Variants in NMD3 observed in about 807,000 individuals in gnomAD.
The protein encoded by NMD3 is 60S ribosomal export protein NMD3.
A neutral mutation model predicts 73.1 loss-of-function variants in NMD3; 47 were observed. That is an observed-to-expected ratio of 0.64 (90% CI 0.51 to 0.82). The LOEUF is 0.82. Among genes scored for constraint, NMD3 ranks in the 40% least tolerant of loss-of-function variants. The pLI, the probability that NMD3 is intolerant of heterozygous loss-of-function variation, is 0.00. For synonymous variants in NMD3, 210 were observed against 194.5 expected (o/e 1.08, Z -0.66); for missense variants, 554 against 612.5 (o/e 0.90, Z 1.01).
At chr3:161,243,080 T>C (rs2108095781) in intron 11 of NMD3, among the ~76,000 whole-genome samples, 1 of 152,276 alleles carries the variant, frequency 6.6e-6, no homozygotes, top group South Asian at 2.1e-4. Context: ...CTATAAAACA[T>C]ACAGTCTACA....
At chr3:161,250,129 A>G (rs949472257) in intron 14 of NMD3, 127 bp from the exon 15 acceptor site, 1 of 582,732 alleles carries the variant, frequency 1.7e-6, no homozygotes. Context: ...GAGTTTATAT[A>G]AAATTGTTTC....
intron 5 of NMD3, among the ~76,000 whole-genome samples, chr3:161,233,723 A>G (rs926696072): frequency 1.3e-5 from 2 of 151,974 alleles, no homozygotes; most frequent in East Asian, 3.9e-4. Flanking sequence ...AAGTAAAAAC[A>G]TGGTCTAAGG....
In NMD3 at chr3:161,246,460, T is replaced by A. The variant is rs766125283; in HGVS notation, c.1130+12T>A. The A allele has an allele frequency of 3.2e-5, 40 of 1,262,902 alleles. No homozygotes were observed. In the Middle Eastern group the frequency reaches 4.1e-3, roughly 128 times the overall value. The allele number at this position is 1,262,902 out of a possible 1,614,324, so 78.2% of individuals were successfully genotyped here. On this transcript the variant is annotated intron_variant, in intron 12 of 15. Transcript: ENST00000351193. ...GACCTGGTGTTAGGGTTTGTATTATTTCATATTTTAAACTGCCAATTAGGA... is the reference window on the plus strand; with the variant it reads ...GACCTGGTGTTAGGGTTTGTATTATATCATATTTTAAACTGCCAATTAGGA...
intron 4 of NMD3, 67 bp downstream of exon 4, chr3:161,227,410 T>C: frequency 1.0e-6 from 1 of 966,794 alleles, no homozygotes; most frequent in South Asian, 1.4e-5. Flanking sequence ...TTTCAGAAAA[T>C]TCTTGTGAGT....
chr3:161,244,797 ATTTTTTG>A (rs2108098221), intron 11 of NMD3, among the ~76,000 whole-genome samples: 1 of 151,532 alleles, frequency 6.6e-6, no homozygotes, highest in South Asian at 2.1e-4. Flanking sequence ...CTATTTTTTA[ATTTTTTG>A]TAGAGTCAAT....
In NMD3 at chr3:161,242,603, A is replaced by G. The variant is rs1480609940; in HGVS notation, c.967A>G (p.Ile323Val). 1 of 1,613,670 alleles carries G rather than the reference A, an allele frequency of 6.2e-7. No individual in the cohort carries two copies. Among genetic ancestry groups the G allele is most frequent in the South Asian group, 1.1e-5 (1 of 91,024 alleles). Residue 323 changes from isoleucine to valine, a missense_variant, in exon 11 of 16, where the codon ATA becomes GTA. Transcript: ENST00000351193. The stretch of plus-strand genomic sequence containing the variant: ...GGAGTTTATTGTGATGGAATGCAGC[A>G]TAGTCCAAGATATAAAACGTGCTGC... ...LEEFIVMECS[I>V]VQDIKRAAGA...
chr3:161,251,099 G>T lies in NMD3; in HGVS notation c.*189G>T. The stretch of plus-strand genomic sequence containing the variant: ...GGATAGCTTTGAGGTTTTAGATAAG[G>T]AAAGATTATGGAGAATGTAGTTGTT... On this transcript the variant is annotated 3_prime_UTR_variant, in exon 16 of 16. Coordinates refer to ENST00000351193, the MANE Select transcript of NMD3 (RefSeq NM_015938.5). The T allele has an allele frequency of 2.2e-6, 1 of 453,388 alleles. No homozygotes were observed. The highest frequency in any genetic ancestry group is 3.6e-5 in the East Asian group (1 of 28,148). The allele number at this position is 453,388 out of a possible 1,614,324, so 28.1% of individuals were successfully genotyped here.
At chr3:161,242,965 G>A (rs1737051717) in intron 11 of NMD3, among the ~76,000 whole-genome samples, 2 of 151,836 alleles carry the variant, frequency 1.3e-5, no homozygotes, top group South Asian at 2.1e-4. Flanking sequence ...TTTTGTAGTG[G>A]TTATCTTGAC....
rs1736970972 is a variant in NMD3, at chr3:161,241,177, A to G, written c.871+14A>G. 9 of 1,467,664 alleles carry G rather than the reference A, an allele frequency of 6.1e-6. No homozygotes were observed. Among genetic ancestry groups the G allele is most frequent in the Non-Finnish European group, 8.6e-6 (9 of 1,051,226 alleles). The allele number at this position is 1,467,664 out of a possible 1,614,324, so 90.9% of individuals were successfully genotyped here. ...ACACCCTACAAGGTAAATTCTGGAA[A>G]TGATTTGCCTTGACAATTTTGTTTT... On this transcript the variant is annotated intron_variant, in intron 10 of 15. Coordinates refer to ENST00000351193, the MANE Select transcript of NMD3 (RefSeq NM_015938.5).
At chr3:161,250,473 T>A (rs544755501) in intron 15 of NMD3, 147 bp downstream of exon 15, 52 of 587,986 alleles carry the variant, frequency 8.8e-5, no homozygotes, top group Non-Finnish European at 1.4e-4. Flanking sequence ...CAAAAAAACT[T>A]GCAAAACAAT....
chr3:161,240,981 G>C (rs1576853701), intron 9 of NMD3, 65 bp from the exon 10 acceptor site: 1 of 925,128 alleles, frequency 1.1e-6, no homozygotes, highest in Non-Finnish European at 1.7e-6. Flanking sequence ...GGTGTTTATT[G>C]ATGAGTGTTT....
chr3:161,249,252 A>G (rs1294184199), intron 13 of NMD3, among the ~76,000 whole-genome samples: 3 of 152,176 alleles, frequency 2.0e-5, no homozygotes, highest in African/African-American at 7.2e-5. Context: ...TGTACAAATA[A>G]TGCTTGAATC....
chr3:161,221,890 A>G, intron 1 of NMD3, 104 bp from the exon 2 acceptor site: 1 of 690,664 alleles, frequency 1.4e-6, no homozygotes. Context: ...TATATTAATT[A>G]TTCAGAGAGA....
At chr3:161,223,683 G>T (rs1346122721) in intron 2 of NMD3, among the ~76,000 whole-genome samples, 1 of 152,156 alleles carries the variant, frequency 6.6e-6, no homozygotes, top group African/African-American at 2.4e-5. Context: ...TCCTCTGTAT[G>T]CCCTGAATAA....
chr3:161,240,303 T>C (rs905768073), intron 9 of NMD3, among the ~76,000 whole-genome samples: 1 of 152,160 alleles, frequency 6.6e-6, no homozygotes, highest in Admixed American at 6.5e-5. Flanking sequence ...AAATCTTTGA[T>C]TGTATATTGG....
intron 11 of NMD3, among the ~76,000 whole-genome samples, chr3:161,245,399 C>A (rs1419998700): frequency 6.6e-6 from 1 of 151,738 alleles, no homozygotes; most frequent in African/African-American, 2.4e-5. Flanking sequence ...AAATTTCTTA[C>A]AAGCAGAAGT....
At chr3:161,225,392 GT>G (rs1005612968) in intron 3 of NMD3, among the ~76,000 whole-genome samples, 11 of 151,350 alleles carry the variant, frequency 7.3e-5, no homozygotes, top group African/African-American at 2.2e-4. Context: ...TTATTATGAG[GT>G]TTTTTTTTCT....
chr3:161,250,364 A>G (rs1737434343), intron 15 of NMD3, 38 bp downstream of exon 15: 4 of 1,187,512 alleles, frequency 3.4e-6, no homozygotes, highest in Non-Finnish European at 5.0e-6. Context: ...TTTGTTCTGT[A>G]TATAAGTATA....
chr3:161,225,096 A>T (rs374595820), intron 3 of NMD3, 32 bp downstream of exon 3: 32 of 1,595,248 alleles, frequency 2.0e-5, no homozygotes, highest in Non-Finnish European at 2.7e-5. Flanking sequence ...CTCTTTTTAA[A>T]GTTGGAATTT....
Sources: allele counts gnomAD v4.1 joint callset (sites outside exome capture counted in the v4.1 genomes callset), GRCh38; gene constraint gnomAD v4.1.1; transcripts MANE v1.5; gene names NCBI Gene and HGNC (gene_info 2026-07-23, HGNC 2026-07-21).